Variants in RGS6 observed in about 807,000 individuals in gnomAD.
RGS6 encodes regulator of G protein signaling 6, also known as regulator of G-protein signaling 6.
RGS6 carries 30 observed loss-of-function variants against 78.5 expected under a neutral mutation model. The ratio of observed to expected loss-of-function variants is 0.38; its 90% confidence interval spans 0.29 to 0.52. The LOEUF (loss-of-function observed/expected upper bound fraction) is 0.52. RGS6 is among the 20% of genes least tolerant of loss of function. The probability of loss-of-function intolerance (pLI) is 0.85; values close to 1 mark genes in which losing one functional copy is unlikely to be tolerated. For missense variants in RGS6, 495 were observed against 609.7 expected (o/e 0.81, Z 1.98); for synonymous variants, 206 against 206.0 (o/e 1.00, Z 0.00).
chr14:72,390,584 C>T (rs942871707), intron 3 of RGS6, among the ~76,000 whole-genome samples: 2 of 141,982 alleles, frequency 1.4e-5, no homozygotes, highest in Non-Finnish European at 3.0e-5. Context: ...GGGATACTTT[C>T]ACACACACAC....
Position 72,401,435 on chromosome 14 carries a change from G to A in RGS6, c.184+49241G>A, listed in dbSNP as rs2092388704. On this transcript the variant is annotated intron_variant, in intron 3 of 17. Coordinates refer to ENST00000553525, the MANE Select transcript of RGS6 (RefSeq NM_001204424.2). ...TTGTGACACACTCCGTCATTTGTGAGGGCATCACAGCCATTTTGTTAATAG... is the reference window on the plus strand; with the variant it reads ...TTGTGACACACTCCGTCATTTGTGAAGGCATCACAGCCATTTTGTTAATAG... 2.0e-5 allele frequency among the ~76,000 whole-genome samples: 3 copies of A among 151,808 alleles called. No individual in the cohort carries two copies. The South Asian group carries it at 6.3e-4, about 32-fold the overall frequency.
intron 2 of RGS6, among the ~76,000 whole-genome samples, chr14:72,142,167 C>G (rs1459673038): frequency 6.6e-6 from 1 of 152,078 alleles, no homozygotes; most frequent in Non-Finnish European, 1.5e-5. Context: ...GTATATGTTC[C>G]TCTCCTCGTA....
chr14:71,936,037 T>TATATATATATATATATATATAC (rs2089237759), intron 1 of RGS6, among the ~76,000 whole-genome samples: 1 of 136,468 alleles, frequency 7.3e-6, no homozygotes, highest in Non-Finnish European at 1.6e-5. Context: ...TATATATATA[T>TATATATATATATATATATATAC]ATATGTACAT....
chr14:72,401,568 G>C (rs2092404502), intron 3 of RGS6, among the ~76,000 whole-genome samples: 1 of 151,462 alleles, frequency 6.6e-6, no homozygotes, highest in Non-Finnish European at 1.5e-5. Context: ...TGTGACCCCA[G>C]GTCCCTTTCA....
the RGS6 span, among the ~76,000 whole-genome samples, chr14:71,870,373 GA>G: frequency 3.3e-5 from 5 of 152,148 alleles, no homozygotes; most frequent in Non-Finnish European, 7.3e-5. Context: ...ACCTCCTTAT[GA>G]GATACCCAGT....
the RGS6 span, among the ~76,000 whole-genome samples, chr14:72,614,777 G>GAAAAA: frequency 2.7e-3 from 264 of 96,054 alleles, 5 homozygotes; most frequent in African/African-American, 5.2e-3. Context: ...ACAAGCCTCA[G>GAAAAA]AAAAAAAAAA....
intron 2 of RGS6, among the ~76,000 whole-genome samples, chr14:72,322,367 A>T (rs909919797): frequency 1.3e-4 from 20 of 152,172 alleles, no homozygotes; most frequent in African/African-American, 4.8e-4. Context: ...TGGAGAGAAA[A>T]CAACAATCTA....
chr14:72,121,982 G>A (rs1470385320), intron 2 of RGS6, among the ~76,000 whole-genome samples: 1 of 152,132 alleles, frequency 6.6e-6, no homozygotes, highest in East Asian at 1.9e-4. Context: ...ATAGGGGCCA[G>A]GGATATTGCT....
At chr14:72,436,369 C>T (rs1461427110) in intron 3 of RGS6, among the ~76,000 whole-genome samples, 1 of 152,138 alleles carries the variant, frequency 6.6e-6, no homozygotes, top group African/African-American at 2.4e-5. Flanking sequence ...CAGCCTACTA[C>T]CCTGCCTAAG....
At chr14:71,963,259 T>C (rs1272499654) in intron 1 of RGS6, among the ~76,000 whole-genome samples, 1 of 152,254 alleles carries the variant, frequency 6.6e-6, no homozygotes, top group African/African-American at 2.4e-5. Context: ...ATACCAAGGA[T>C]TGAACTTCCT....
chr14:71,981,334 C>T (rs769813765), intron 2 of RGS6, among the ~76,000 whole-genome samples: 49 of 152,300 alleles, frequency 3.2e-4, no homozygotes, highest in Non-Finnish European at 4.6e-4. Flanking sequence ...GGAGGAGAGG[C>T]GCTCTGCTTT....
chr14:71,955,375 G>T (rs950214435), intron 1 of RGS6, among the ~76,000 whole-genome samples: 9 of 152,148 alleles, frequency 5.9e-5, no homozygotes, highest in African/African-American at 2.2e-4. Flanking sequence ...CCAAGAGAGG[G>T]TTCTTGGATC....
intron 2 of RGS6, among the ~76,000 whole-genome samples, chr14:72,164,813 T>A (rs2096902616): frequency 6.6e-6 from 1 of 152,250 alleles, no homozygotes; most frequent in African/African-American, 2.4e-5. Flanking sequence ...GACTTAAATT[T>A]ATAATCATAA....
chr14:72,398,288 A>G (rs2091797018), intron 3 of RGS6, among the ~76,000 whole-genome samples: 1 of 152,162 alleles, frequency 6.6e-6, no homozygotes, highest in South Asian at 2.1e-4. Context: ...GGGAGAGTGT[A>G]TGTGTTGAGG....
chr14:72,414,882 C>T (rs779311501), intron 3 of RGS6, among the ~76,000 whole-genome samples: 97 of 152,312 alleles, frequency 6.4e-4, no homozygotes, highest in Middle Eastern at 3.4e-3. Flanking sequence ...TGGTGAACCG[C>T]AAGTGCTGCT....
chr14:72,241,870 C>T (rs910368371), intron 2 of RGS6, among the ~76,000 whole-genome samples: 4 of 152,212 alleles, frequency 2.6e-5, no homozygotes, highest in Non-Finnish European at 4.4e-5. Context: ...AAACATTCCA[C>T]GGTGTCTGTC....
At chr14:72,456,325 C>T (rs544649998) in intron 4 of RGS6, among the ~76,000 whole-genome samples, 23 of 152,340 alleles carry the variant, frequency 1.5e-4, no homozygotes, top group Non-Finnish European at 2.6e-4. Flanking sequence ...AGGTCTCACT[C>T]TGTCACCCAG....
chr14:72,383,637 T>G (rs904207111), intron 3 of RGS6, among the ~76,000 whole-genome samples: 1 of 152,104 alleles, frequency 6.6e-6, no homozygotes, highest in African/African-American at 2.4e-5. Context: ...CGTTCTTAAG[T>G]AGGATTGTGA....
chr14:72,397,951 G>A (rs563687474), intron 3 of RGS6, among the ~76,000 whole-genome samples: 36 of 152,136 alleles, frequency 2.4e-4, no homozygotes, highest in Non-Finnish European at 4.4e-4. Context: ...GATTCGGTTT[G>A]CCAGTATTTT....
Sources: allele counts gnomAD v4.1 joint callset (sites outside exome capture counted in the v4.1 genomes callset), GRCh38; gene constraint gnomAD v4.1.1; transcripts MANE v1.5; gene names NCBI Gene and HGNC (gene_info 2026-07-23, HGNC 2026-07-21).